The following ZDHHC20 variants were observed in gnomAD, a reference collection of about 807,000 sequenced individuals.
The protein encoded by ZDHHC20 is zDHHC palmitoyltransferase 20.
ZDHHC20 carries 43 observed loss-of-function variants against 57.8 expected under a neutral mutation model. That is an observed-to-expected ratio of 0.74 (90% CI 0.58 to 0.96). The LOEUF (loss-of-function observed/expected upper bound fraction) is 0.96. Among genes scored for constraint, ZDHHC20 ranks in the 40% least tolerant of loss-of-function variants. The pLI is 0.00. For synonymous variants in ZDHHC20, 157 were observed against 153.0 expected (o/e 1.03, Z -0.19); for missense variants, 391 against 441.1 (o/e 0.89, Z 1.02).
chr13:21,405,180 T>G (rs1251196479), intron 4 of ZDHHC20, among the ~76,000 whole-genome samples: 1 of 152,100 alleles, frequency 6.6e-6, no homozygotes, highest in African/African-American at 2.4e-5. Context: ...ATAATGTAAA[T>G]AAGAATTTCT....
At chr13:21,410,114 G>C (rs773329308) in intron 4 of ZDHHC20, among the ~76,000 whole-genome samples, 6 of 152,108 alleles carry the variant, frequency 3.9e-5, no homozygotes, top group Non-Finnish European at 7.4e-5. Flanking sequence ...CTTTCTGTTT[G>C]TTAGTCTTCC....
At position 21,416,818 on chromosome 13, in the gene ZDHHC20, C is replaced by T. The variant is rs1253683792; in HGVS notation, c.250-3046G>A. Among the ~76,000 whole-genome samples the T allele has an allele frequency of 4.6e-5, 7 of 152,120 alleles. No individual in the cohort carries two copies. In the East Asian group the frequency reaches 1.3e-3, roughly 29 times the overall value. On this transcript the variant is annotated intron_variant, in intron 3 of 12. Transcript: ENST00000400590. ...ACAGTATATTCAGCTCAATACACTG[C>T]TTGAGTATAGAGTTCCATGAAGAAG...
chr13:21,394,171 C>T (rs1876345246), intron 7 of ZDHHC20, among the ~76,000 whole-genome samples: 1 of 152,200 alleles, frequency 6.6e-6, no homozygotes, highest in Admixed American at 6.5e-5. Context: ...CATTTTGGCC[C>T]CCTCTTGGTC....
At chr13:21,384,116 C>T (rs940937401) in intron 9 of ZDHHC20, among the ~76,000 whole-genome samples, 11 of 151,662 alleles carry the variant, frequency 7.3e-5, no homozygotes, top group African/African-American at 2.2e-4. Flanking sequence ...GGTAGTTTCA[C>T]TGAATTGAGA....
At chr13:21,410,911 A>T (rs903609004) in intron 4 of ZDHHC20, among the ~76,000 whole-genome samples, 8 of 152,116 alleles carry the variant, frequency 5.3e-5, no homozygotes, top group Admixed American at 2.0e-4. Flanking sequence ...TGGGGTACGA[A>T]AAAAAACTCC....
intron 1 of ZDHHC20, among the ~76,000 whole-genome samples, chr13:21,454,048 A>G (rs780822901): frequency 6.6e-6 from 1 of 152,066 alleles, no homozygotes; most frequent in Non-Finnish European, 1.5e-5. Flanking sequence ...GAGTTTTGGC[A>G]GGCATGGTGG....
intron 8 of ZDHHC20, among the ~76,000 whole-genome samples, 163 bp downstream of exon 8, chr13:21,391,559 G>A (rs558141307): frequency 2.0e-5 from 3 of 150,142 alleles, no homozygotes; most frequent in East Asian, 1.9e-4. Context: ...GGATTCTCCC[G>A]CCTCTGTCTC....
At chr13:21,385,305 G>A (rs879575478) in intron 9 of ZDHHC20, among the ~76,000 whole-genome samples, 26 of 152,108 alleles carry the variant, frequency 1.7e-4, no homozygotes, top group South Asian at 6.2e-4. Flanking sequence ...GTTACGCACC[G>A]GTAATCCCAG....
At position 21,451,075 on chromosome 13, in the gene ZDHHC20, C is replaced by T. The variant is rs184828314; in HGVS notation, c.118+7979G>A. Among the ~76,000 whole-genome samples, 477 of 152,220 alleles carry T rather than the reference C, an allele frequency of 3.1e-3. 4 individuals carry two copies. Among genetic ancestry groups the T allele is most frequent in the Non-Finnish European group, 4.4e-3 (296 of 68,004 alleles). ...GGCCAAAAGTTTTTTGTTTTTAATT[C>T]TAATTCACATTTAACTTTTCCTATA... On this transcript the variant is annotated intron_variant, in intron 1 of 12. Transcript: ENST00000400590.
At chr13:21,457,924 G>C (rs1244198981) in intron 1 of ZDHHC20, among the ~76,000 whole-genome samples, 1 of 152,194 alleles carries the variant, frequency 6.6e-6, no homozygotes, top group East Asian at 1.9e-4. Flanking sequence ...TAAGGACTAA[G>C]AGTAGAACAT....
At chr13:21,376,893 T>G (rs1593157483) in intron 12 of ZDHHC20, 2 of 268,126 alleles carry the variant, frequency 7.5e-6, no homozygotes, top group East Asian at 1.6e-4. Flanking sequence ...CTTACAGTAC[T>G]CCCAGACTGC....
At chr13:21,451,308 C>G (rs1212122685) in intron 1 of ZDHHC20, among the ~76,000 whole-genome samples, 1 of 151,956 alleles carries the variant, frequency 6.6e-6, no homozygotes, top group African/African-American at 2.4e-5. Context: ...TTTGTGTGTC[C>G]TAACATTCAA....
intron 7 of ZDHHC20, among the ~76,000 whole-genome samples, chr13:21,398,894 C>T (rs148740458): frequency 1.3e-5 from 2 of 152,146 alleles, no homozygotes; most frequent in African/African-American, 4.8e-5. Flanking sequence ...CAGGGGGACA[C>T]GCAACAACCC....
chr13:21,390,443 CAA>C (rs942231750), intron 8 of ZDHHC20, among the ~76,000 whole-genome samples: 21 of 151,974 alleles, frequency 1.4e-4, no homozygotes, highest in African/African-American at 4.1e-4. Context: ...AATGAGCAAA[CAA>C]AAAGAGAAAT....
At chr13:21,422,437 C>A (rs1455573181) in intron 2 of ZDHHC20, among the ~76,000 whole-genome samples, 1 of 152,070 alleles carries the variant, frequency 6.6e-6, no homozygotes, top group Non-Finnish European at 1.5e-5. Flanking sequence ...TAATTGACAA[C>A]CCTGTTGCAA....
intron 1 of ZDHHC20, among the ~76,000 whole-genome samples, chr13:21,453,223 A>G (rs961208588): frequency 1.3e-5 from 2 of 152,248 alleles, no homozygotes; most frequent in African/African-American, 4.8e-5. Context: ...GGGGTAATAA[A>G]GTCACTTCAT....
At chr13:21,419,050 T>A (rs1880343896) in intron 3 of ZDHHC20, among the ~76,000 whole-genome samples, 1 of 152,172 alleles carries the variant, frequency 6.6e-6, no homozygotes, top group Non-Finnish European at 1.5e-5. Flanking sequence ...ATTTCTTATT[T>A]CCTGAAATGA....
At chr13:21,387,671 T>C (rs1874814223) in intron 8 of ZDHHC20, 37 bp from the exon 9 acceptor site, 1 of 1,267,456 alleles carries the variant, frequency 7.9e-7, no homozygotes, top group Non-Finnish European at 1.0e-6. Flanking sequence ...CTAATTAATC[T>C]ATTTAAAAAT....
chr13:21,398,768 C>A (rs1222097618), intron 7 of ZDHHC20, among the ~76,000 whole-genome samples: 1 of 152,128 alleles, frequency 6.6e-6, no homozygotes, highest in Non-Finnish European at 1.5e-5. Context: ...TTGAGACGTG[C>A]TGATTTTTAT....
Sources: gnomAD v4.1 joint callset for allele counts (sites outside exome capture counted in the v4.1 genomes callset) on GRCh38, gnomAD v4.1.1 for gene constraint, MANE v1.5 for transcripts, NCBI Gene and HGNC (gene_info 2026-07-23, HGNC 2026-07-21) for gene names.